Variants in HMCN1 observed in about 807,000 individuals in gnomAD.
HMCN1 encodes hemicentin-1.
Under a neutral mutation model 625.9 loss-of-function variants are expected in HMCN1, and 321 were observed. The observed-to-expected ratio is 0.51, with a 90% confidence interval of 0.47 to 0.56. The LOEUF is 0.56. Among genes scored for constraint, HMCN1 ranks in the 20% least tolerant of loss-of-function variants. The pLI is 0.00. For synonymous variants in HMCN1, 2,425 were observed against 2,417.6 expected (o/e 1.00, Z -0.09); for missense variants, 6,588 against 6,887.3 (o/e 0.96, Z 1.54).
rs775660048 is a variant in HMCN1, at chr1:186,186,992, TCTCACACA to T, written c.16415-889_16415-882del. On this transcript the variant is annotated intron_variant, in intron 105 of 106. Transcript: ENST00000271588. ...ATCAATCTCACATTCTCTGTCTCTG[TCTCACACA>T]CACACACACACACACACACACACAC... Among the ~76,000 whole-genome samples, 121 of 95,484 alleles carry T rather than the reference TCTCACACA, an allele frequency of 1.3e-3. 1 individual carries two copies. Among genetic ancestry groups the T allele is most frequent in the African/African-American group, 5.0e-3 (114 of 22,804 alleles). The allele number at this position is 95,484 out of a possible 152,430, so 62.6% of individuals were successfully genotyped here.
At chr1:185,942,137 G>A (rs1015838394) in intron 11 of HMCN1, among the ~76,000 whole-genome samples, 2 of 147,784 alleles carry the variant, frequency 1.4e-5, no homozygotes, top group Non-Finnish European at 3.0e-5. Flanking sequence ...GTTGTAGTGA[G>A]CCGAGATCAC....
chr1:185,958,265 T>A (rs1418351846), intron 11 of HMCN1, among the ~76,000 whole-genome samples: 1 of 152,002 alleles, frequency 6.6e-6, no homozygotes, highest in Non-Finnish European at 1.5e-5. Flanking sequence ...ACTACAGGCA[T>A]GCACCACCAC....
chr1:186,022,184 A>G (rs1049205095), intron 35 of HMCN1, among the ~76,000 whole-genome samples: 1 of 152,134 alleles, frequency 6.6e-6, no homozygotes, highest in African/African-American at 2.4e-5. Flanking sequence ...CAGTGAGGCT[A>G]TCCTGTAAAT....
At chr1:185,846,520 A>G (rs1661826526) in intron 2 of HMCN1, among the ~76,000 whole-genome samples, 1 of 152,248 alleles carries the variant, frequency 6.6e-6, no homozygotes, top group African/African-American at 2.4e-5. Context: ...GCCATATGAA[A>G]TGTTTGACTG....
chr1:186,097,967 A>G (rs1008431599), intron 68 of HMCN1, among the ~76,000 whole-genome samples: 7 of 152,190 alleles, frequency 4.6e-5, no homozygotes, highest in African/African-American at 1.7e-4. Flanking sequence ...AGTCTCTTCA[A>G]TAAATGGTGC....
Position 186,136,679 on chromosome 1 carries a change from A to T in HMCN1, c.13324A>T (p.Ile4442Phe), listed in dbSNP as rs1465489787. The change falls in exon 87 of 107, where the codon ATC becomes TTC. Residue 4442 changes from isoleucine (I) to phenylalanine (F), a missense_variant. By Grantham distance (21) the Ile-to-Phe change is conservative. Transcript: ENST00000271588. ...MSLTLQSPPI[I>F]TLEPVETVIN... ...GCTTTTTTCCGTAGGTCCTCCTATT[A>T]TCACTCTTGAGCCAGTGGAAACTGT... The T allele has an allele frequency of 6.2e-7, 1 of 1,613,910 alleles. No homozygotes were observed. Among genetic ancestry groups the T allele is most frequent in the Admixed American group, 1.7e-5 (1 of 60,002 alleles).
intron 28 of HMCN1, 64 bp from the exon 29 acceptor site, chr1:186,003,654 C>G: frequency 6.5e-7 from 1 of 1,536,720 alleles, no homozygotes; most frequent in Non-Finnish European, 9.0e-7. Flanking sequence ...TGACTGCTTT[C>G]TAACCCCATG....
chr1:185,985,489 T>C (rs1247480399), intron 19 of HMCN1, among the ~76,000 whole-genome samples: 1 of 152,116 alleles, frequency 6.6e-6, no homozygotes, highest in African/African-American at 2.4e-5. Flanking sequence ...GTGAAAAAAA[T>C]GACAGGATTA....
chr1:186,172,582 T>C (rs900928441), intron 102 of HMCN1, among the ~76,000 whole-genome samples: 1 of 152,192 alleles, frequency 6.6e-6, no homozygotes, highest in African/African-American at 2.4e-5. Flanking sequence ...GCCCAAAATT[T>C]ATGCTTTGCC....
intron 80 of HMCN1, among the ~76,000 whole-genome samples, chr1:186,122,090 G>A (rs1373390470): frequency 6.6e-6 from 1 of 152,124 alleles, no homozygotes; most frequent in East Asian, 1.9e-4. Flanking sequence ...ATTGACATGA[G>A]AGAAATTAAG....
intron 2 of HMCN1, among the ~76,000 whole-genome samples, chr1:185,861,019 G>A (rs1319144177): frequency 6.6e-6 from 1 of 152,010 alleles, no homozygotes; most frequent in African/African-American, 2.4e-5. Context: ...TTTTTTTAGG[G>A]CTGCATTCAA....
At chr1:186,113,774 C>A (rs533324307) in intron 72 of HMCN1, among the ~76,000 whole-genome samples, 2 of 152,306 alleles carry the variant, frequency 1.3e-5, no homozygotes, top group East Asian at 3.9e-4. Context: ...AATTCCCCTC[C>A]CTATCTACCC....
intron 1 of HMCN1, among the ~76,000 whole-genome samples, chr1:185,829,144 A>G (rs1660700863): frequency 6.6e-6 from 1 of 152,196 alleles, no homozygotes; most frequent in African/African-American, 2.4e-5. Flanking sequence ...ACTCAAGGTG[A>G]ACAATTTGAA....
chr1:185,850,566 T>A (rs1026477159), intron 2 of HMCN1, among the ~76,000 whole-genome samples: 2 of 152,128 alleles, frequency 1.3e-5, no homozygotes, highest in East Asian at 3.9e-4. Context: ...GGGTGAAGGA[T>A]CCTGATTCCT....
chr1:186,177,869 C>T (rs1652697040), intron 103 of HMCN1, among the ~76,000 whole-genome samples: 1 of 151,840 alleles, frequency 6.6e-6, no homozygotes, highest in Non-Finnish European at 1.5e-5. Context: ...ATTTGTGATT[C>T]CACACTCTCT....
intron 43 of HMCN1, among the ~76,000 whole-genome samples, chr1:186,053,327 A>T (rs907019661): frequency 6.6e-6 from 1 of 151,964 alleles, no homozygotes; most frequent in Non-Finnish European, 1.5e-5. Flanking sequence ...ATTATTTTTT[A>T]CTCAAATACA....
intron 1 of HMCN1, among the ~76,000 whole-genome samples, chr1:185,750,707 T>C (rs1654747972): frequency 6.6e-6 from 1 of 152,134 alleles, no homozygotes; most frequent in Non-Finnish European, 1.5e-5. Flanking sequence ...AATTTAATCC[T>C]GTTACTCTTA....
intron 1 of HMCN1, among the ~76,000 whole-genome samples, chr1:185,792,635 G>A (rs910317467): frequency 6.6e-6 from 1 of 152,036 alleles, no homozygotes; most frequent in South Asian, 2.1e-4. Context: ...ATTTTTCATA[G>A]TTAAAGCTCT....
intron 42 of HMCN1, 39 bp from the exon 43 acceptor site, chr1:186,052,913 T>A (rs1331838085): frequency 6.5e-7 from 1 of 1,531,952 alleles, no homozygotes; most frequent in East Asian, 2.3e-5. Flanking sequence ...GAATTCTATA[T>A]GAAATGAGTG....
Sources: allele counts gnomAD v4.1 joint callset (sites outside exome capture counted in the v4.1 genomes callset), GRCh38; gene constraint gnomAD v4.1.1; transcripts MANE v1.5; gene names NCBI Gene and HGNC (gene_info 2026-07-23, HGNC 2026-07-21).